The following NLN variants were observed in gnomAD, a reference collection of about 807,000 sequenced individuals.
The protein encoded by NLN is neurolysin, mitochondrial.
Under a neutral mutation model 79.9 loss-of-function variants are expected in NLN, and 64 were observed. The ratio of observed to expected loss-of-function variants is 0.80; its 90% CI spans 0.65 to 0.99. The LOEUF is 0.99. Ranked by LOEUF, NLN falls within the 50% of genes least tolerant of loss-of-function variation. The pLI, the probability that NLN is intolerant of heterozygous loss-of-function variation, is 0.00. For synonymous variants in NLN, 267 were observed against 296.6 expected (o/e 0.90, Z 1.02); for missense variants, 835 against 858.7 (o/e 0.97, Z 0.34).
intron 1 of NLN, among the ~76,000 whole-genome samples, chr5:65,734,071 G>T (rs1447741925): frequency 7.2e-6 from 1 of 138,112 alleles, no homozygotes; most frequent in Non-Finnish European, 1.6e-5. Flanking sequence ...CTAATTTTTG[G>T]TATTTTTAGT....
chr5:65,804,602 T>C (rs972906066), intron 9 of NLN, among the ~76,000 whole-genome samples: 1 of 152,196 alleles, frequency 6.6e-6, no homozygotes, highest in Non-Finnish European at 1.5e-5. Context: ...CAGTCTCAGC[T>C]CACTGCAACC....
intron 12 of NLN, among the ~76,000 whole-genome samples, chr5:65,814,299 C>T (rs1760621568): frequency 6.6e-6 from 1 of 152,122 alleles, no homozygotes; most frequent in Non-Finnish European, 1.5e-5. Flanking sequence ...TGTTATTCCT[C>T]TGTCTGTTCA....
chr5:65,796,248 C>T (rs1760171253), intron 9 of NLN, among the ~76,000 whole-genome samples: 1 of 152,068 alleles, frequency 6.6e-6, no homozygotes, highest in South Asian at 2.1e-4. Flanking sequence ...AGGCACAGTC[C>T]TCTTATCAAC....
chr5:65,804,357 A>G (rs1760359418), intron 9 of NLN, among the ~76,000 whole-genome samples: 2 of 152,228 alleles, frequency 1.3e-5, no homozygotes, highest in Non-Finnish European at 1.5e-5. Flanking sequence ...AGCCCATGAT[A>G]TGAGCACACC....
At chr5:65,786,633 G>A (rs1336141013) in intron 7 of NLN, among the ~76,000 whole-genome samples, 2 of 151,940 alleles carry the variant, frequency 1.3e-5, no homozygotes, top group Non-Finnish European at 2.9e-5. Context: ...GAGGTGAGAG[G>A]ACTACTTGAG....
At chr5:65,800,439 G>A (rs1052281560) in intron 9 of NLN, among the ~76,000 whole-genome samples, 19 of 152,294 alleles carry the variant, frequency 1.2e-4, no homozygotes, top group Admixed American at 9.1e-4. Flanking sequence ...ACTTTGGGAG[G>A]CAGAGGCGGG....
intron 7 of NLN, 59 bp from the exon 8 acceptor site, chr5:65,788,059 T>A: frequency 1.3e-6 from 2 of 1,543,740 alleles, no homozygotes; most frequent in Non-Finnish European, 8.8e-7. Context: ...CAGGTGGTAT[T>A]TATGAGTATG....
At chr5:65,766,210 G>T (rs1234137743) in intron 3 of NLN, among the ~76,000 whole-genome samples, 1 of 152,174 alleles carries the variant, frequency 6.6e-6, no homozygotes, top group African/African-American at 2.4e-5. Flanking sequence ...CAAGGTGTCT[G>T]TATTTGTCCA....
intron 3 of NLN, among the ~76,000 whole-genome samples, chr5:65,771,319 A>T (rs1217386740): frequency 6.6e-6 from 1 of 152,206 alleles, no homozygotes; most frequent in African/African-American, 2.4e-5. Context: ...GTTGGCTTTT[A>T]AAAAGCCAAC....
intron 9 of NLN, among the ~76,000 whole-genome samples, chr5:65,807,061 C>T (rs1040684616): frequency 4.0e-5 from 6 of 151,816 alleles, no homozygotes; most frequent in Admixed American, 6.6e-5. Flanking sequence ...CCTGTAGTCC[C>T]AGCTACTAGG....
At chr5:65,821,383 A>T (rs1760793696) in intron 12 of NLN, among the ~76,000 whole-genome samples, 1 of 152,226 alleles carries the variant, frequency 6.6e-6, no homozygotes, top group African/African-American at 2.4e-5. Context: ...GGCTAAGTAC[A>T]ACTGAAGAAC....
intron 9 of NLN, among the ~76,000 whole-genome samples, chr5:65,808,435 C>T (rs963016260): frequency 1.3e-5 from 2 of 152,234 alleles, no homozygotes; most frequent in African/African-American, 2.4e-5. Context: ...AAAAACAGGA[C>T]AGAGGTTCAG....
chr5:65,743,995 C>CA (rs1263017589), intron 1 of NLN, among the ~76,000 whole-genome samples: 3 of 152,232 alleles, frequency 2.0e-5, no homozygotes, highest in South Asian at 4.1e-4. Flanking sequence ...GAGTCACACA[C>CA]ACTGTCCTCT....
chr5:65,798,991 C>A (rs879910222), intron 9 of NLN, among the ~76,000 whole-genome samples: 3 of 152,154 alleles, frequency 2.0e-5, no homozygotes, highest in Non-Finnish European at 4.4e-5. Context: ...AGTTGATCCT[C>A]CCACCTCAGC....
In NLN at chr5:65,827,347, C is replaced by T. The variant is rs1760939172; in HGVS notation, c.*4432C>T. On this transcript the variant is annotated 3_prime_UTR_variant, in exon 13 of 13. Transcript: ENST00000380985. ...AGGAAATAGACTCCCTTATTCTGCTCACATGAGCTGGAACCTGTACTAGCT... is the reference window on the plus strand; with the variant it reads ...AGGAAATAGACTCCCTTATTCTGCTTACATGAGCTGGAACCTGTACTAGCT... The T allele has an allele frequency of 6.6e-6, 1 of 152,164 alleles. No individual in the cohort carries two copies. The highest frequency in any genetic ancestry group is 2.4e-5 in the African/African-American group (1 of 41,424). The allele number at this position is 152,164 out of a possible 1,614,324, so 9.4% of individuals were successfully genotyped here.
At chr5:65,729,369 C>CTTTTT (rs34963968) in intron 1 of NLN, among the ~76,000 whole-genome samples, 408 of 100,764 alleles carry the variant, frequency 4.0e-3, no homozygotes, top group East Asian at 8.4e-3. Flanking sequence ...GTTTTCTTTT[C>CTTTTT]TTTTTTTTTT....
At chr5:65,770,980 A>T (rs1374240256) in intron 3 of NLN, among the ~76,000 whole-genome samples, 1 of 152,178 alleles carries the variant, frequency 6.6e-6, no homozygotes, top group Admixed American at 6.5e-5. Context: ...CACAAAATTC[A>T]AGAGAGTAGT....
At chr5:65,738,311 TG>T (rs1399614691) in intron 1 of NLN, among the ~76,000 whole-genome samples, 3 of 140,930 alleles carry the variant, frequency 2.1e-5, no homozygotes, top group Non-Finnish European at 4.8e-5. Flanking sequence ...AGGCCAGGTG[TG>T]GTGCCTCATG....
At chr5:65,797,365 A>G (rs1760195303) in intron 9 of NLN, among the ~76,000 whole-genome samples, 1 of 152,268 alleles carries the variant, frequency 6.6e-6, no homozygotes, top group South Asian at 2.1e-4. Flanking sequence ...ATTGTGTGAC[A>G]TGAAATCATT....
Sources: allele counts gnomAD v4.1 joint callset (sites outside exome capture counted in the v4.1 genomes callset), GRCh38; gene constraint gnomAD v4.1.1; transcripts MANE v1.5; gene names NCBI Gene and HGNC (gene_info 2026-07-23, HGNC 2026-07-21).